The following TGFBR2 variants were observed in gnomAD, a reference collection of about 807,000 sequenced individuals.
The protein encoded by TGFBR2 is transforming growth factor beta receptor 2.
Under a neutral mutation model 49.0 loss-of-function variants are expected in TGFBR2, and 18 were observed. That is an observed-to-expected ratio of 0.37 (90% CI 0.25 to 0.54). The LOEUF (loss-of-function observed/expected upper bound fraction) is 0.54, where lower values mean the gene tolerates loss of function less well. TGFBR2 is among the 20% of genes least tolerant of loss of function. The pLI, the probability that TGFBR2 is intolerant of heterozygous loss-of-function variation, is 0.85. For synonymous variants in TGFBR2, 282 were observed against 275.9 expected (o/e 1.02, Z -0.22); for missense variants, 525 against 722.6 (o/e 0.73, Z 3.13).
chr3:30,650,925 T>G (rs1698872220), intron 3 of TGFBR2, among the ~76,000 whole-genome samples: 1 of 152,180 alleles, frequency 6.6e-6, no homozygotes, highest in South Asian at 2.1e-4. Flanking sequence ...GAGGAGGACT[T>G]TCTTTATAAC....
intron 5 of TGFBR2, among the ~76,000 whole-genome samples, chr3:30,684,919 T>TA (rs1366314439): frequency 1.3e-5 from 2 of 152,040 alleles, no homozygotes; most frequent in South Asian, 2.1e-4. Flanking sequence ...AGAGTACCTA[T>TA]AAAAAAAATT....
At chr3:30,636,733 C>CGT (rs3076736) in intron 1 of TGFBR2, among the ~76,000 whole-genome samples, 37,076 of 146,482 alleles carry the variant, frequency 0.25, 4,795 homozygotes, top group Middle Eastern at 0.31. Flanking sequence ...TGTGTGTGCA[C>CGT]GTGTGTGTGT....
chr3:30,666,852 C>T (rs1022621222), intron 3 of TGFBR2, among the ~76,000 whole-genome samples: 1 of 151,746 alleles, frequency 6.6e-6, no homozygotes, highest in African/African-American at 2.4e-5. Context: ...CACTATGTTG[C>T]CCAGGCTAGT....
rs577306561 is a variant in TGFBR2 at position 30,609,016 on chromosome 3, C to A, written c.94+2039C>A. ...GGTTTATGATTTGCAAATTCCAGAC[C>A]CAATAGTTCACGAGTCACTTTCATT... On this transcript the variant is annotated intron_variant, in intron 1 of 6. Transcript: ENST00000295754. Among the ~76,000 whole-genome samples the A allele has an allele frequency of 2.0e-5, 3 of 152,192 alleles. No individual in the cohort carries two copies. The East Asian group carries it at 5.8e-4, about 29-fold the overall frequency.
chr3:30,693,057 T>TA lies in TGFBR2; in HGVS notation c.*1459dup, dbSNP rs1699741929. 8.6e-6 allele frequency: 2 copies of TA among 233,284 alleles called. No homozygotes were observed. Among genetic ancestry groups the TA allele is most frequent in the East Asian group, 1.2e-4 (2 of 16,682 alleles). 14.5% of individuals were successfully genotyped at this position (233,284 alleles called of 1,614,324 possible). On this transcript the variant is annotated 3_prime_UTR_variant, in exon 7 of 7. Coordinates refer to ENST00000295754, the MANE Select transcript of TGFBR2 (RefSeq NM_003242.6). ...AAGCAGTCATTCTCTGGGTATATAATATGATTTTGACTACCTTATCTGGTG... is the reference window on the plus strand; with the variant it reads ...AAGCAGTCATTCTCTGGGTATATAATAATGATTTTGACTACCTTATCTGGTG...
intron 1 of TGFBR2, among the ~76,000 whole-genome samples, chr3:30,635,920 G>GT (rs1559453481): frequency 6.6e-6 from 1 of 151,946 alleles, no homozygotes; most frequent in African/African-American, 2.4e-5. Flanking sequence ...CACACTTCCC[G>GT]TATCAGCTCT....
chr3:30,636,793 G>A (rs1698541618), intron 1 of TGFBR2, among the ~76,000 whole-genome samples: 2 of 151,876 alleles, frequency 1.3e-5, no homozygotes. Context: ...GGCCAGGCGT[G>A]GTGGCTCAAG....
rs1698855828 is a variant in TGFBR2 at position 30,650,305 on chromosome 3, T to C, written c.299T>C (p.Val100Ala). 2 of 1,613,896 alleles carry C rather than the reference T, an allele frequency of 1.2e-6. No homozygotes were observed. The highest frequency in any genetic ancestry group is 1.7e-6 in the Non-Finnish European group (2 of 1,179,962). ...GACGAGAACATAACACTAGAGACAGTTTGCCATGACCCCAAGCTCCCCTAC... is the reference window on the plus strand; with the variant it reads ...GACGAGAACATAACACTAGAGACAGCTTGCCATGACCCCAAGCTCCCCTAC... ...KNDENITLET[V>A]CHDPKLPYHD... The change falls in exon 3 of 7, where the codon GTT becomes GCT. Residue 100 changes from valine to alanine, a missense_variant. Physicochemically the swap from Val to Ala is moderately conservative, Grantham distance 64. This residue lies in a region of TGFBR2 where 376 missense variants were observed against 478.2 expected (regional missense o/e 0.79). Transcript: ENST00000295754.
At chr3:30,664,324 G>A (rs549712784) in intron 3 of TGFBR2, among the ~76,000 whole-genome samples, 1 of 151,786 alleles carries the variant, frequency 6.6e-6, no homozygotes, top group South Asian at 2.1e-4. Context: ...CAAAGCTTTT[G>A]TTCTTTCCAT....
In TGFBR2 at chr3:30,693,778, T is replaced by C. The variant is rs1575167768; in HGVS notation, c.*2179T>C. On this transcript the variant is annotated 3_prime_UTR_variant, in exon 7 of 7. Transcript: ENST00000295754. ...CAAGATTCAAGAGTATTCTCACTTC[T>C]GGGTTATCAGCATAAACTGGAATGT... is the stretch of plus-strand genomic sequence containing the variant. 3 of 233,634 alleles carry C rather than the reference T, an allele frequency of 1.3e-5. No individual in the cohort carries two copies. The East Asian group carries it at 1.8e-4, about 14-fold the overall frequency. The allele number at this position is 233,634 out of a possible 1,614,324, so 14.5% of individuals were successfully genotyped here. A position where few individuals can be genotyped will look rare whatever the true frequency, so the allele number is the denominator to read the frequency against.
At chr3:30,622,867 G>A (rs578234915) in intron 1 of TGFBR2, among the ~76,000 whole-genome samples, 36 of 106,410 alleles carry the variant, frequency 3.4e-4, no homozygotes, top group African/African-American at 4.4e-4. Flanking sequence ...GCAACAGAGC[G>A]AGACTTTGTC....
chr3:30,675,412 A>G (rs17026206), intron 5 of TGFBR2, among the ~76,000 whole-genome samples: 1 of 147,866 alleles, frequency 6.8e-6, no homozygotes, highest in African/African-American at 2.5e-5. Context: ...TTTTTGAGAC[A>G]GTCTCGCTCT....
intron 5 of TGFBR2, among the ~76,000 whole-genome samples, chr3:30,677,519 C>T (rs1014198133): frequency 2.0e-5 from 3 of 152,190 alleles, no homozygotes; most frequent in Non-Finnish European, 4.4e-5. Flanking sequence ...CTTGATTAAG[C>T]GTGTGAACTC....
At chr3:30,674,795 T>TGCTTGCAG (rs753808700) in intron 5 of TGFBR2, among the ~76,000 whole-genome samples, 61 of 152,174 alleles carry the variant, frequency 4.0e-4, no homozygotes, top group Non-Finnish European at 8.1e-4. Flanking sequence ...TGCTTAAGCC[T>TGCTTGCAG]GCAAGACTGA....
chr3:30,609,289 T>C (rs1697989587), intron 1 of TGFBR2, among the ~76,000 whole-genome samples: 1 of 152,238 alleles, frequency 6.6e-6, no homozygotes, highest in Admixed American at 6.5e-5. Context: ...TTTTAATTTT[T>C]CATGTAAGTA....
chr3:30,657,398 A>T (rs1699025527), intron 3 of TGFBR2, among the ~76,000 whole-genome samples: 1 of 152,126 alleles, frequency 6.6e-6, no homozygotes, highest in Non-Finnish European at 1.5e-5. Flanking sequence ...GGCCAGTAAG[A>T]TGCTCATCTG....
chr3:30,675,556 T>C (rs1699422153), intron 5 of TGFBR2, among the ~76,000 whole-genome samples: 1 of 152,054 alleles, frequency 6.6e-6, no homozygotes, highest in African/African-American at 2.4e-5. Context: ...TCAGCTAATA[T>C]TTGTATTTTT....
intron 4 of TGFBR2, among the ~76,000 whole-genome samples, chr3:30,673,153 G>T (rs1699373300): frequency 6.6e-6 from 1 of 152,206 alleles, no homozygotes; most frequent in African/African-American, 2.4e-5. Flanking sequence ...TTACTGCTCA[G>T]TCAGCCCTGT....
intron 3 of TGFBR2, among the ~76,000 whole-genome samples, chr3:30,653,578 G>T (rs1400170617): frequency 6.6e-6 from 1 of 152,036 alleles, no homozygotes; most frequent in Non-Finnish European, 1.5e-5. Flanking sequence ...ATGTTGATTT[G>T]TCTACTCCAA....
Sources: gnomAD v4.1 joint callset for allele counts (sites outside exome capture counted in the v4.1 genomes callset) on GRCh38, gnomAD v4.1.1 for gene constraint, gnomAD v4.1.1 regional missense constraint, MANE v1.5 for transcripts, NCBI Gene and HGNC (gene_info 2026-07-23, HGNC 2026-07-21) for gene names.